C1QTNF6: variants seen among roughly 807,000 people sequenced by gnomAD.
The protein encoded by C1QTNF6 is C1q and TNF related 6.
C1QTNF6 carries 17 observed loss-of-function variants against 20.7 expected under a neutral mutation model. That is an observed-to-expected ratio of 0.82 (90% CI 0.56 to 1.23). The LOEUF (loss-of-function observed/expected upper bound fraction) is 1.23. Among genes scored for constraint, C1QTNF6 ranks in the 50% most tolerant of loss-of-function variants. The pLI is 0.00. For synonymous variants in C1QTNF6, 130 were observed against 156.3 expected (o/e 0.83, Z 1.25); for missense variants, 329 against 389.7 (o/e 0.84, Z 1.31).
chr22:37,184,333 C>G lies in C1QTNF6; in HGVS notation c.289+885G>C. On this transcript the variant is annotated intron_variant, in intron 2 of 2. Coordinates refer to ENST00000337843, the MANE Select transcript of C1QTNF6 (RefSeq NM_031910.4). This position sits in a 1 kb window ranked among gnomAD's most constrained non-coding sequence, Gnocchi z 4.0. ...CAAAGTGGGAGGAATAAGAAAATAT[C>G]GACCTCACGGGCTGTTGTGGGCAGA... 2.8e-6 allele frequency: 2 copies of G among 716,378 alleles called. No homozygotes were observed. Among genetic ancestry groups the G allele is most frequent in the East Asian group, 2.7e-5 (1 of 37,288 alleles). The allele number at this position is 716,378 out of a possible 1,614,324, so 44.4% of individuals were successfully genotyped here.
Position 37,195,336 on chromosome 22 carries a change from A to C in C1QTNF6, n.224+45T>G, listed in dbSNP as rs185174135. 1.1e-4 allele frequency: 16 copies of C among 152,304 alleles called. No individual in the cohort carries two copies. In the East Asian group the frequency reaches 2.7e-3, roughly 26 times the overall value. The allele number at this position is 152,304 out of a possible 1,614,324, so 9.4% of individuals were successfully genotyped here. A position where few individuals can be genotyped will look rare whatever the true frequency, so the allele number is the denominator to read the frequency against. On this transcript the variant is annotated intron_variant and non_coding_transcript_variant, in intron 2 of 4. Transcript: ENST00000467564. Reference sequence around the variant, plus strand: ...CCCCCTATTTCTGAGGAGGGAACCTAACCCAAATCCATACATTACCCAGAA... The same window carrying C: ...CCCCCTATTTCTGAGGAGGGAACCTCACCCAAATCCATACATTACCCAGAA...
intron 2 of C1QTNF6, 88 bp downstream of exon 2, chr22:37,185,130 G>A: frequency 5.4e-6 from 8 of 1,472,224 alleles, no homozygotes; most frequent in Non-Finnish European, 7.2e-6. Context: ...GAGGAGTCTG[G>A]ACAGGTTTCC....
chr22:37,183,271 TG>T (rs1407609202), intron 2 of C1QTNF6, among the ~76,000 whole-genome samples: 1 of 152,244 alleles, frequency 6.6e-6, no homozygotes, highest in Non-Finnish European at 1.5e-5. Flanking sequence ...ACTCCACGGC[TG>T]GGGTCTCGGT....
Position 37,184,371 on chromosome 22 carries a change from G to A in C1QTNF6, c.289+847C>T. The stretch of plus-strand genomic sequence containing the variant: ...TGTTGTGGGCAGAGACGGACGCTAA[G>A]GATGTCAAGGCCTGGTCACAGCCGT... On this transcript the variant is annotated intron_variant, in intron 2 of 2. Transcript: ENST00000337843. The surrounding 1 kb of genome is among the most constrained non-coding windows in gnomAD (Gnocchi z 4.0). 3 of 717,338 alleles carry A rather than the reference G, an allele frequency of 4.2e-6. No homozygotes were observed. The highest frequency in any genetic ancestry group is 7.8e-6 in the Non-Finnish European group (3 of 385,050). The allele number at this position is 717,338 out of a possible 1,614,324, so 44.4% of individuals were successfully genotyped here. A position where few individuals can be genotyped will look rare whatever the true frequency, so the allele number is the denominator to read the frequency against.
intron 2 of C1QTNF6, among the ~76,000 whole-genome samples, chr22:37,183,815 C>G (rs1924015486): frequency 6.6e-6 from 1 of 152,164 alleles, no homozygotes; most frequent in African/African-American, 2.4e-5. Context: ...TGCCCCAGCC[C>G]AAGGAAAGGA....
chr22:37,187,271 C>A (rs1924435862), intron 1 of C1QTNF6, among the ~76,000 whole-genome samples: 1 of 141,062 alleles, frequency 7.1e-6, no homozygotes, highest in Admixed American at 7.3e-5. Flanking sequence ...GATCAACATC[C>A]TCCCTGTCTG....
Position 37,185,237 on chromosome 22 carries a change from A to C in C1QTNF6, c.270T>G (p.Ile90Met). ...ACTCACCCTTCAGGATGGTGATATTAATGTAGGGTCTGATCTCAGGCAGGG... is the reference window on the plus strand; with the variant it reads ...ACTCACCCTTCAGGATGGTGATATTCATGTAGGGTCTGATCTCAGGCAGGG... ...PHALPEIRPY[I>M]NITILKGDKG... The change falls in exon 2 of 3, where the codon ATT (isoleucine) becomes ATG (methionine). Residue 90 changes from isoleucine (I) to methionine (M), a missense_variant. Physicochemically the swap from Ile to Met is conservative, Grantham distance 10. Coordinates refer to ENST00000337843, the MANE Select transcript of C1QTNF6 (RefSeq NM_031910.4). 10 of 1,575,188 alleles carry C rather than the reference A, an allele frequency of 6.3e-6. No homozygotes were observed. The highest frequency in any genetic ancestry group is 8.6e-6 in the Non-Finnish European group (10 of 1,156,962).
chr22:37,197,100 G>A (rs1403249851), intron 1 of C1QTNF6: 1 of 152,310 alleles, frequency 6.6e-6, no homozygotes, highest in African/African-American at 2.4e-5. Context: ...GCCTTGTGCT[G>A]TCACCCCTCC....
chr22:37,188,601 T>TA, upstream of C1QTNF6: 1 of 174,738 alleles, frequency 5.7e-6, no homozygotes, highest in Non-Finnish European at 1.2e-5. Context: ...CACCCTGAGC[T>TA]AAAGTGCTTA....
upstream of C1QTNF6, chr22:37,188,313 G>GAGGAGGGGATGGAGGGAGAT: frequency 9.6e-7 from 1 of 1,045,418 alleles, no homozygotes; most frequent in Non-Finnish European, 1.3e-6. Context: ...TGGAGGGAGA[G>GAGGAGGGGATGGAGGGAGAT]AGGGCGGAGG....
At chr22:37,182,810 G>A (rs756345947) in intron 2 of C1QTNF6, 75 bp from the exon 3 acceptor site, 2 of 1,479,318 alleles carry the variant, frequency 1.4e-6, no homozygotes, top group Non-Finnish European at 1.8e-6. Flanking sequence ...ACTCATCTGT[G>A]ACGGCTCTGC....
chr22:37,185,221 T>C lies in C1QTNF6; in HGVS notation c.286A>G (p.Lys96Glu). Residue 96 changes from lysine to glutamate, a missense_variant, in exon 2 of 3, where the codon AAG becomes GAG. Physicochemically the swap from Lys to Glu is moderately conservative, Grantham distance 56. Transcript: ENST00000337843. ...IRPYINITIL[K>E]GDKGDPGPMG... is the part of the protein sequence containing the mutation. ...GGCCCCACAGGAGGGCACTCACCCT[T>C]CAGGATGGTGATATTAATGTAGGGT... The C allele has an allele frequency of 6.4e-7, 1 of 1,557,656 alleles. No individual in the cohort carries two copies. Among genetic ancestry groups the C allele is most frequent in the Non-Finnish European group, 8.7e-7 (1 of 1,147,356 alleles).
Position 37,184,046 on chromosome 22 carries a change from G to A in C1QTNF6, c.289+1172C>T, listed in dbSNP as rs1425786303. 6.6e-6 allele frequency among the ~76,000 whole-genome samples: 1 copy of A among 152,084 alleles called. No homozygotes were observed. Among genetic ancestry groups the A allele is most frequent in the Non-Finnish European group, 1.5e-5 (1 of 67,996 alleles). On this transcript the variant is annotated intron_variant, in intron 2 of 2. Transcript: ENST00000337843. This position sits in a 1 kb window ranked among gnomAD's most constrained non-coding sequence, Gnocchi z 4.0. ...GCCCAGGAGCAGTGACCCTGGGTTT[G>A]GGGAGGGCAATGAGGAGGGACCATC...
upstream of C1QTNF6, chr22:37,188,395 G>T (rs1264478871): frequency 1.8e-5 from 9 of 512,476 alleles, no homozygotes; most frequent in Non-Finnish European, 3.3e-6. Context: ...CAGCCTCTGG[G>T]TTCTGCGGAG....
At chr22:37,189,296 C>A (rs140584429), upstream of C1QTNF6, among the ~76,000 whole-genome samples, 1,623 of 152,268 alleles carry the variant, frequency 0.011, 23 homozygotes, top group Non-Finnish European at 0.013. Flanking sequence ...GGTTTGTTTA[C>A]CGCATACTGT....
At position 37,184,232 on chromosome 22, in the gene C1QTNF6, G is replaced by C. The variant is rs979637690; in HGVS notation, c.289+986C>G. Reference sequence around the variant, plus strand: ...CACTGGCTGTGCAGTGAGTGTCCCCGGGGAGAGCTCAGGAACAAATCCTGG... The same window carrying C: ...CACTGGCTGTGCAGTGAGTGTCCCCCGGGAGAGCTCAGGAACAAATCCTGG... On this transcript the variant is annotated intron_variant, in intron 2 of 2. Coordinates refer to ENST00000337843, the MANE Select transcript of C1QTNF6 (RefSeq NM_031910.4). The surrounding 1 kb of genome is among the most constrained non-coding windows in gnomAD (Gnocchi z 4.0). 1.5e-6 allele frequency: 1 copy of C among 659,290 alleles called. No individual in the cohort carries two copies. Among genetic ancestry groups the C allele is most frequent in the East Asian group, 2.7e-5 (1 of 36,608 alleles). 40.8% of individuals were successfully genotyped at this position (659,290 alleles called of 1,614,324 possible).
chr22:37,190,229 A>C (rs2145776871), upstream of C1QTNF6, among the ~76,000 whole-genome samples: 1 of 152,332 alleles, frequency 6.6e-6, no homozygotes, highest in East Asian at 1.9e-4. Context: ...GGTAGGACCA[A>C]TTTATTTGCA....
chr22:37,199,019 AGCGCCAGCTCC>A (rs1346451367), upstream of C1QTNF6, among the ~76,000 whole-genome samples: 1 of 152,072 alleles, frequency 6.6e-6, no homozygotes, highest in Non-Finnish European at 1.5e-5. Flanking sequence ...GAGTCTGGAG[AGCGCCAGCTCC>A]GCGCCAGGCC....
At chr22:37,188,294 A>G, upstream of C1QTNF6, 1 of 1,025,998 alleles carries the variant, frequency 9.7e-7, no homozygotes, top group Non-Finnish European at 1.3e-6. Context: ...GGAGGGAGAG[A>G]GGAGGGGATG....
Sources: allele counts gnomAD v4.1 joint callset (sites outside exome capture counted in the v4.1 genomes callset), GRCh38; gene constraint gnomAD v4.1.1; non-coding constraint Gnocchi (gnomAD v3.1); transcripts MANE v1.5; gene names NCBI Gene and HGNC (gene_info 2026-07-23, HGNC 2026-07-21).